HEMK2: variants seen among roughly 807,000 people sequenced by gnomAD.
HEMK2 encodes HemK methyltransferase 2, ETF1 glutamine and histone H4 lysine, also known as methyltransferase HEMK2.
At chr21:28,647,486 C>T in the HEMK2 span, among the ~76,000 whole-genome samples, 1 of 115,672 alleles carries the variant, frequency 8.6e-6, no homozygotes, top group Non-Finnish European at 1.7e-5. Context: ...CCAGCCTGGG[C>T]AACAACAGCG....
the HEMK2 span, among the ~76,000 whole-genome samples, chr21:28,649,099 T>C: frequency 6.6e-6 from 1 of 152,038 alleles, no homozygotes; most frequent in African/African-American, 2.4e-5. Context: ...TCCACGTCCC[T>C]ACAAAGGACA....
the HEMK2 span, among the ~76,000 whole-genome samples, chr21:28,741,196 T>A: frequency 6.6e-6 from 1 of 152,114 alleles, no homozygotes; most frequent in Non-Finnish European, 1.5e-5. Flanking sequence ...AACATCATGA[T>A]TAGACCCATC....
At chr21:28,648,522 A>C in the HEMK2 span, among the ~76,000 whole-genome samples, 5 of 152,186 alleles carry the variant, frequency 3.3e-5, no homozygotes, top group Non-Finnish European at 5.9e-5. Context: ...CTCTCACAGG[A>C]AAGGTATTCA....
the HEMK2 span, among the ~76,000 whole-genome samples, chr21:28,845,704 A>G: frequency 8.8e-6 from 1 of 113,380 alleles, no homozygotes; most frequent in Admixed American, 8.8e-5. Context: ...TCTCACTTCT[A>G]TTTCTAAGTA....
At chr21:28,752,704 T>A in the HEMK2 span, among the ~76,000 whole-genome samples, 1 of 152,104 alleles carries the variant, frequency 6.6e-6, no homozygotes, top group East Asian at 1.9e-4. Context: ...CCTTAGCAAG[T>A]CTCTGCACCA....
the HEMK2 span, among the ~76,000 whole-genome samples, chr21:28,618,214 A>G: frequency 6.6e-6 from 1 of 152,212 alleles, no homozygotes; most frequent in African/African-American, 2.4e-5. Context: ...TTCTCCTTGA[A>G]ATGCGACTTA....
At chr21:28,598,216 T>A in the HEMK2 span, among the ~76,000 whole-genome samples, 33 of 152,340 alleles carry the variant, frequency 2.2e-4, no homozygotes, top group African/African-American at 7.7e-4. Context: ...TTCTGCCTGA[T>A]AAGAGTCCTT....
the HEMK2 span, among the ~76,000 whole-genome samples, chr21:28,815,019 G>A: frequency 6.6e-6 from 1 of 152,056 alleles, no homozygotes; most frequent in African/African-American, 2.4e-5. Context: ...AGAAAATGTG[G>A]CACATATACA....
the HEMK2 span, among the ~76,000 whole-genome samples, chr21:28,651,143 G>C: frequency 6.6e-6 from 1 of 152,206 alleles, no homozygotes; most frequent in Non-Finnish European, 1.5e-5. Flanking sequence ...AATTGTGCTA[G>C]TCAAAGCGCA....
the HEMK2 span, among the ~76,000 whole-genome samples, chr21:28,717,284 A>G: frequency 6.6e-6 from 1 of 152,060 alleles, no homozygotes; most frequent in Admixed American, 6.6e-5. Flanking sequence ...TACTGATTCA[A>G]TTTCAGAGCT....
At chr21:28,627,772 T>G in the HEMK2 span, among the ~76,000 whole-genome samples, 1 of 152,210 alleles carries the variant, frequency 6.6e-6, no homozygotes, top group Non-Finnish European at 1.5e-5. Flanking sequence ...GACCAGAGGC[T>G]ACTTTCTTTG....
At chr21:28,811,630 T>C in the HEMK2 span, among the ~76,000 whole-genome samples, 1 of 152,284 alleles carries the variant, frequency 6.6e-6, no homozygotes, top group Non-Finnish European at 1.5e-5. Flanking sequence ...TCCTCACTAT[T>C]CCCACTCATC....
At chr21:28,687,762 T>C in the HEMK2 span, among the ~76,000 whole-genome samples, 377 of 152,332 alleles carry the variant, frequency 2.5e-3, 2 homozygotes, top group Middle Eastern at 0.014. Flanking sequence ...ATGACTAAGA[T>C]ACAGGTAATG....
At chr21:28,689,586 C>A in the HEMK2 span, among the ~76,000 whole-genome samples, 60 of 152,182 alleles carry the variant, frequency 3.9e-4, no homozygotes, top group African/African-American at 1.4e-3. Flanking sequence ...GGCGATCACA[C>A]CTTTGGCAGG....
chr21:28,741,417 T>C, the HEMK2 span, among the ~76,000 whole-genome samples: 1 of 152,152 alleles, frequency 6.6e-6, no homozygotes, highest in East Asian at 1.9e-4. Flanking sequence ...AGATTTTAAG[T>C]TCAGGGATAT....
chr21:28,791,657 A>G, the HEMK2 span, among the ~76,000 whole-genome samples: 20 of 152,160 alleles, frequency 1.3e-4, no homozygotes, highest in African/African-American at 4.3e-4. Flanking sequence ...ACTGAGACCC[A>G]CTACTCTGGT....
At chr21:28,741,291 G>T in the HEMK2 span, among the ~76,000 whole-genome samples, 1 of 152,182 alleles carries the variant, frequency 6.6e-6, no homozygotes, top group Non-Finnish European at 1.5e-5. Context: ...GATCATGCTT[G>T]AAACATATGG....
the HEMK2 span, among the ~76,000 whole-genome samples, chr21:28,813,836 C>G: frequency 1.3e-5 from 2 of 152,144 alleles, no homozygotes; most frequent in African/African-American, 4.8e-5. Flanking sequence ...AAAGGATTCC[C>G]TATTTAACAA....
At chr21:28,609,113 C>T in the HEMK2 span, among the ~76,000 whole-genome samples, 1 of 152,132 alleles carries the variant, frequency 6.6e-6, no homozygotes, top group East Asian at 1.9e-4. Context: ...GCACACGTAA[C>T]AAAAATACAA....
Sources: allele counts gnomAD v4.1 joint callset (sites outside exome capture counted in the v4.1 genomes callset), GRCh38; gene constraint gnomAD v4.1.1; transcripts MANE v1.5; gene names NCBI Gene and HGNC (gene_info 2026-07-23, HGNC 2026-07-21).